FSTL5: variants seen among roughly 807,000 people sequenced by gnomAD.
The protein encoded by FSTL5 is follistatin like 5, also known as follistatin-related protein 5.
In FSTL5, 62 loss-of-function variants were observed where a neutral mutation model predicts 89.1. The ratio of observed to expected loss-of-function variants is 0.70; its 90% CI spans 0.57 to 0.86. The LOEUF (loss-of-function observed/expected upper bound fraction) is 0.86, where lower values mean the gene tolerates loss of function less well. Ranked by LOEUF, FSTL5 falls within the 40% of genes least tolerant of loss-of-function variation. FSTL5 has a pLI of 0.00. For missense variants in FSTL5, 1,057 were observed against 1,001.6 expected (o/e 1.06, Z -0.75); for synonymous variants, 383 against 346.2 (o/e 1.11, Z -1.18).
At chr4:161,891,506 T>C (rs1232978156) in intron 4 of FSTL5, among the ~76,000 whole-genome samples, 2 of 152,154 alleles carry the variant, frequency 1.3e-5, no homozygotes, top group Non-Finnish European at 2.9e-5. Flanking sequence ...GCTGATGTTA[T>C]CTAATTTAAA....
intron 13 of FSTL5, among the ~76,000 whole-genome samples, chr4:161,472,475 G>A (rs1733981993): frequency 1.3e-5 from 2 of 151,808 alleles, no homozygotes; most frequent in South Asian, 4.2e-4. Flanking sequence ...TTAAATGTAA[G>A]TATTTATCAT....
Position 161,581,020 on chromosome 4 carries a change from C to G in FSTL5, c.1015+6435G>C, listed in dbSNP as rs377086743. On this transcript the variant is annotated intron_variant, in intron 8 of 15. Transcript: ENST00000306100. ...AATGATACATGGCCAATACCACCCC[C>G]CAAGCAAGAGCCAATCTCCTAGATG... Among the ~76,000 whole-genome samples the G allele has an allele frequency of 2.0e-5, 3 of 152,002 alleles. No homozygotes were observed. In the East Asian group the frequency reaches 5.8e-4, roughly 30 times the overall value.
chr4:161,781,620 C>G (rs1349667711), intron 4 of FSTL5, among the ~76,000 whole-genome samples: 4 of 151,972 alleles, frequency 2.6e-5, no homozygotes, highest in African/African-American at 9.7e-5. Flanking sequence ...CAAAATTGAC[C>G]AGAACTTATA....
At chr4:162,064,508 T>C (rs1226386217) in intron 2 of FSTL5, among the ~76,000 whole-genome samples, 2 of 151,958 alleles carry the variant, frequency 1.3e-5, no homozygotes, top group Non-Finnish European at 2.9e-5. Flanking sequence ...TAAAAAGTAG[T>C]TTCTTTTGCC....
intron 3 of FSTL5, among the ~76,000 whole-genome samples, chr4:161,955,463 T>C (rs944314066): frequency 2.0e-5 from 3 of 151,780 alleles, no homozygotes; most frequent in African/African-American, 7.2e-5. Context: ...ATAAGAATGT[T>C]TGAGAAATCA....
At chr4:162,000,667 G>A (rs1033735055) in intron 3 of FSTL5, among the ~76,000 whole-genome samples, 9 of 151,550 alleles carry the variant, frequency 5.9e-5, no homozygotes, top group Admixed American at 5.9e-4. Context: ...AAGGTTAAAA[G>A]GTTAAAACTC....
chr4:161,471,838 G>A (rs1205169079), intron 13 of FSTL5, among the ~76,000 whole-genome samples: 2 of 151,984 alleles, frequency 1.3e-5, no homozygotes, highest in Non-Finnish European at 2.9e-5. Context: ...ACATACAATT[G>A]TTCATGGTAC....
intron 15 of FSTL5, among the ~76,000 whole-genome samples, chr4:161,402,684 T>A (rs1731222403): frequency 6.6e-6 from 1 of 152,190 alleles, no homozygotes. Flanking sequence ...TGCAACACCT[T>A]TTATAGAGCT....
intron 1 of FSTL5, among the ~76,000 whole-genome samples, chr4:162,132,853 T>TG (rs1561037188): frequency 5.3e-5 from 8 of 152,378 alleles, no homozygotes; most frequent in South Asian, 2.1e-4. Context: ...TCTCACATGG[T>TG]ATTAGGTGAT....
intron 1 of FSTL5, among the ~76,000 whole-genome samples, chr4:162,138,499 C>T (rs981961000): frequency 6.6e-6 from 1 of 152,016 alleles, no homozygotes; most frequent in African/African-American, 2.4e-5. Flanking sequence ...AAAAAGACAT[C>T]TATTTTTCTT....
At chr4:161,525,094 C>T (rs142041458) in intron 10 of FSTL5, among the ~76,000 whole-genome samples, 1 of 152,196 alleles carries the variant, frequency 6.6e-6, no homozygotes, top group East Asian at 1.9e-4. Flanking sequence ...GTTTCTGTGT[C>T]TGCAGTCTCA....
intron 4 of FSTL5, among the ~76,000 whole-genome samples, chr4:161,859,942 T>C (rs866316224): frequency 2.6e-5 from 4 of 152,214 alleles, no homozygotes; most frequent in South Asian, 4.1e-4. Flanking sequence ...GAAAAGGACA[T>C]GGTAGGCAGA....
chr4:161,603,124 G>A (rs1376493008), intron 7 of FSTL5, among the ~76,000 whole-genome samples: 1 of 152,114 alleles, frequency 6.6e-6, no homozygotes, highest in Non-Finnish European at 1.5e-5. Context: ...GAGCTGACAT[G>A]TCACTTCATG....
chr4:162,069,216 T>C (rs1224556862), intron 2 of FSTL5, among the ~76,000 whole-genome samples: 1 of 152,050 alleles, frequency 6.6e-6, no homozygotes, highest in Non-Finnish European at 1.5e-5. Flanking sequence ...TTAAAGCATC[T>C]TCCCTTGATA....
chr4:161,508,038 T>A (rs759651413), intron 11 of FSTL5, among the ~76,000 whole-genome samples: 3 of 152,100 alleles, frequency 2.0e-5, no homozygotes, highest in African/African-American at 4.8e-5. Context: ...CTCAGAAATA[T>A]GTAGCTCATA....
chr4:162,051,970 T>G (rs1397872793), intron 2 of FSTL5, among the ~76,000 whole-genome samples: 1 of 151,280 alleles, frequency 6.6e-6, no homozygotes, highest in Non-Finnish European at 1.5e-5. Context: ...GAAAAAGAAA[T>G]AAAAAATATA....
chr4:161,960,124 A>T (rs936578021), intron 3 of FSTL5, among the ~76,000 whole-genome samples: 1 of 151,788 alleles, frequency 6.6e-6, no homozygotes, highest in Admixed American at 6.6e-5. Flanking sequence ...TATGCTGAAA[A>T]TCAATAAACA....
At chr4:161,416,097 T>G (rs1427178845) in intron 15 of FSTL5, among the ~76,000 whole-genome samples, 2 of 152,096 alleles carry the variant, frequency 1.3e-5, no homozygotes, top group African/African-American at 4.8e-5. Context: ...ATGGCAAGTG[T>G]TTTCCCTAAA....
intron 3 of FSTL5, among the ~76,000 whole-genome samples, chr4:161,946,675 T>C (rs182323254): frequency 6.6e-6 from 1 of 152,290 alleles, no homozygotes. Context: ...GTTTACTGCA[T>C]GGGGATAATA....
Sources: gnomAD v4.1 joint callset for allele counts (sites outside exome capture counted in the v4.1 genomes callset) on GRCh38, gnomAD v4.1.1 for gene constraint, MANE v1.5 for transcripts, NCBI Gene and HGNC (gene_info 2026-07-23, HGNC 2026-07-21) for gene names.